Variants in CDKL3 observed in about 807,000 individuals in gnomAD.
CDKL3 encodes the protein cyclin-dependent kinase-like 3.
A neutral mutation model predicts 69.3 loss-of-function variants in CDKL3; 65 were observed. The ratio of observed to expected loss-of-function variants is 0.94; its 90% confidence interval spans 0.77 to 1.15. The LOEUF is 1.15. CDKL3 is among the 50% of genes most tolerant of loss of function. The pLI is 0.00. For synonymous variants in CDKL3, 202 were observed against 221.6 expected, an observed-to-expected ratio of 0.91 and a Z score of 0.79; for missense variants, 652 against 689.2, an observed-to-expected ratio of 0.95 and a Z score of 0.61.
intron 7 of CDKL3, among the ~76,000 whole-genome samples, chr5:134,308,943 T>C (rs1419986353): frequency 6.6e-6 from 1 of 152,244 alleles, no homozygotes; most frequent in Non-Finnish European, 1.5e-5. Flanking sequence ...GGGAACCTAC[T>C]ATATAAAACT....
chr5:134,296,046 ACCACCACAC>A (rs1765333023), downstream of CDKL3, among the ~76,000 whole-genome samples: 1 of 151,984 alleles, frequency 6.6e-6, no homozygotes, highest in African/African-American at 2.4e-5. Context: ...ACAGGTGCCC[ACCACCACAC>A]CCAGCTAATT....
At chr5:134,364,390 A>G (rs1756850294) in intron 2 of CDKL3, among the ~76,000 whole-genome samples, 1 of 152,186 alleles carries the variant, frequency 6.6e-6, no homozygotes, top group South Asian at 2.1e-4. Flanking sequence ...CATTTCCAAA[A>G]TTGAAGTACT....
At position 134,366,343 on chromosome 5, in the gene CDKL3, G is replaced by A; in HGVS notation, c.165+16C>T. 1 of 1,530,794 alleles carries A rather than the reference G, an allele frequency of 6.5e-7. No homozygotes were observed. The highest frequency in any genetic ancestry group is 1.4e-5 in the African/African-American group (1 of 71,486). The allele number at this position is 1,530,794 out of a possible 1,614,324, so 94.8% of individuals were successfully genotyped here. On this transcript the variant is annotated intron_variant, in intron 2 of 12. Transcript: ENST00000265334. ...TTTTTCTTTTGACTTAGATGATTAA[G>A]GCAAAAGAAGCAAACCTTTAGAAAC...
intron 8 of CDKL3, among the ~76,000 whole-genome samples, chr5:134,289,235 A>G (rs1765018220): frequency 6.6e-6 from 1 of 151,968 alleles, no homozygotes; most frequent in Non-Finnish European, 1.5e-5. Flanking sequence ...GTACACTTTC[A>G]ATAAATATTC....
Position 134,320,395 on chromosome 5 carries a change from TG to T in CDKL3, c.653-899del, listed in dbSNP as rs1561546309. ...CTTTGGGAGGCCGAGTCGGGCAACATGGCAAAACCGCGGCTGCACTAAAAAC... is the reference window on the plus strand; with the variant it reads ...CTTTGGGAGGCCGAGTCGGGCAACATGCAAAACCGCGGCTGCACTAAAAAC... On this transcript the variant is annotated intron_variant, in intron 5 of 12. Transcript: ENST00000265334. Among the ~76,000 whole-genome samples the T allele has an allele frequency of 2.8e-4, 42 of 151,478 alleles. 1 individual carries two copies. Among genetic ancestry groups the T allele is most frequent in the Admixed American group, 2.6e-4 (4 of 15,190 alleles).
At chr5:134,317,050 C>T (rs999956808) in intron 6 of CDKL3, among the ~76,000 whole-genome samples, 7 of 151,960 alleles carry the variant, frequency 4.6e-5, no homozygotes, top group African/African-American at 1.7e-4. Context: ...GTTCTTGCCA[C>T]CACTTTCAAA....
intron 3 of CDKL3, among the ~76,000 whole-genome samples, chr5:134,354,120 A>T (rs1014258306): frequency 6.6e-6 from 1 of 152,086 alleles, no homozygotes; most frequent in East Asian, 1.9e-4. Context: ...TGCTCCTTCT[A>T]TATGTTCACA....
At chr5:134,349,694 G>A (rs1412565448) in intron 4 of CDKL3, among the ~76,000 whole-genome samples, 1 of 152,176 alleles carries the variant, frequency 6.6e-6, no homozygotes, top group Non-Finnish European at 1.5e-5. Context: ...GTCTGCATAG[G>A]TCTTCTGGAG....
chr5:134,312,213 T>A (rs979393152), intron 7 of CDKL3, 79 bp downstream of exon 7: 44 of 783,328 alleles, frequency 5.6e-5, no homozygotes, highest in Admixed American at 1.3e-4. Context: ...AAAAGTAACC[T>A]ATACAGCAAT....
chr5:134,366,651 A>G (rs1757506895), intron 1 of CDKL3, 107 bp from the exon 2 acceptor site: 3 of 732,152 alleles, frequency 4.1e-6, no homozygotes, highest in Non-Finnish European at 6.3e-6. Flanking sequence ...TCAAATATAG[A>G]GACATTAAAA....
chr5:134,350,841 A>T (rs1438407409), intron 3 of CDKL3, among the ~76,000 whole-genome samples: 2 of 150,234 alleles, frequency 1.3e-5, no homozygotes, highest in Non-Finnish European at 2.9e-5. Context: ...GAAAAAAAAA[A>T]AAAGAAAAAA....
chr5:134,308,365 TTCATAC>T lies in CDKL3; in HGVS notation c.1131_1136del (p.Tyr378_Glu379del). 2 of 1,613,914 alleles carry T rather than the reference TTCATAC, an allele frequency of 1.2e-6. No individual in the cohort carries two copies. The highest frequency in any genetic ancestry group is 1.7e-6 in the Non-Finnish European group (2 of 1,179,808). On this transcript the variant is annotated inframe_deletion, in exon 9 of 13. Coordinates refer to ENST00000265334, the MANE Select transcript of CDKL3 (RefSeq NM_001113575.2). The stretch of plus-strand genomic sequence containing the variant: ...TTGCATCCTGTTGACCAAGTCCACC[TTCATAC>T]TCTTTCTTTTTTGGTTCTGAGATAT...
intron 6 of CDKL3, among the ~76,000 whole-genome samples, chr5:134,313,825 A>G (rs1477552041): frequency 6.6e-6 from 1 of 152,092 alleles, no homozygotes; most frequent in Non-Finnish European, 1.5e-5. Context: ...ATGATGTGGC[A>G]ATACCTAGGT....
chr5:134,335,843 T>C (rs1377986771), intron 4 of CDKL3, among the ~76,000 whole-genome samples: 1 of 152,180 alleles, frequency 6.6e-6, no homozygotes, highest in African/African-American at 2.4e-5. Flanking sequence ...GTGTTCTCTG[T>C]ATTTCCAAAT....
chr5:134,285,103 C>T (rs1764803234), downstream of CDKL3, among the ~76,000 whole-genome samples: 1 of 152,166 alleles, frequency 6.6e-6, no homozygotes, highest in African/African-American at 2.4e-5. Flanking sequence ...TGGCTTCAGC[C>T]GGTCCCTCCG....
chr5:134,346,230 G>A (rs1751829247), intron 4 of CDKL3, among the ~76,000 whole-genome samples: 1 of 152,180 alleles, frequency 6.6e-6, no homozygotes, highest in African/African-American at 2.4e-5. Flanking sequence ...GAGAGGCCAG[G>A]AAGAATCTGA....
intron 3 of CDKL3, among the ~76,000 whole-genome samples, chr5:134,355,857 G>A (rs893704919): frequency 3.3e-5 from 5 of 152,288 alleles, no homozygotes; most frequent in African/African-American, 9.6e-5. Context: ...AAAGGAAAGC[G>A]TATGGACTGT....
intron 2 of CDKL3, among the ~76,000 whole-genome samples, chr5:134,362,573 A>G (rs1756314333): frequency 6.6e-6 from 1 of 152,158 alleles, no homozygotes; most frequent in Non-Finnish European, 1.5e-5. Flanking sequence ...GACTAAGAAT[A>G]TTAACTAGTC....
chr5:134,299,416 C>T, intron 12 of CDKL3: 2 of 926,992 alleles, frequency 2.2e-6, no homozygotes, highest in Non-Finnish European at 2.8e-6. Context: ...AATAGGTGAT[C>T]AAATAAAATT....
Sources: gnomAD v4.1 joint callset for allele counts (sites outside exome capture counted in the v4.1 genomes callset) on GRCh38, gnomAD v4.1.1 for gene constraint, MANE v1.5 for transcripts, NCBI Gene and HGNC (gene_info 2026-07-23, HGNC 2026-07-21) for gene names.